The following CLCN5 variants were observed in gnomAD, a reference collection of about 807,000 sequenced individuals.
CLCN5 encodes Cl-/H+ antiporter 5, also known as H(+)/Cl(-) exchange transporter 5.
CLCN5 carries 17 observed loss-of-function variants against 54.0 expected under a neutral mutation model. The ratio of observed to expected loss-of-function variants is 0.31; its 90% CI spans 0.22 to 0.47. The LOEUF is 0.47. Among genes scored for constraint, CLCN5 ranks in the 20% least tolerant of loss-of-function variants. The probability of loss-of-function intolerance (pLI) is 1.00; values close to 1 mark genes in which losing one functional copy is unlikely to be tolerated. For missense variants in CLCN5, 448 were observed against 646.7 expected (o/e 0.69, Z 3.33); for synonymous variants, 222 against 233.0 (o/e 0.95, Z 0.43).
At chrX:50,087,175 GTATT>G (rs1409339379) in intron 11 of CLCN5, among the ~76,000 whole-genome samples, 2 of 111,717 alleles carry the variant, frequency 1.8e-5, no homozygotes, top group Non-Finnish European at 3.8e-5. Flanking sequence ...TGATGGTGAA[GTATT>G]TATTCCAGTA....
At chrX:50,031,841 G>A (rs1359000067) in intron 3 of CLCN5, among the ~76,000 whole-genome samples, 4 of 104,872 alleles carry the variant, frequency 3.8e-5, no homozygotes, top group African/African-American at 1.4e-4. Flanking sequence ...TTAGCATTAG[G>A]TGTATTTCCT....
intron 4 of CLCN5, chrX:50,067,625 G>T (rs1338577225): frequency 2.7e-6 from 2 of 751,691 alleles, no homozygotes; most frequent in East Asian, 3.0e-4. Flanking sequence ...GAAAGGCAGA[G>T]AATGCAGCAA....
chrX:49,988,063 C>A (rs782110978), intron 3 of CLCN5, among the ~76,000 whole-genome samples: 4 of 111,700 alleles, frequency 3.6e-5, no homozygotes, highest in African/African-American at 6.5e-5. Context: ...CCCCTGCATT[C>A]CTCAGTAGTC....
intron 6 of CLCN5, 100 bp from the exon 7 acceptor site, chrX:50,075,694 CT>C (rs1773787229): frequency 1.4e-6 from 1 of 717,466 alleles, no homozygotes; most frequent in African/African-American, 2.1e-5. Flanking sequence ...ACTTTGATTC[CT>C]TTCCCCTCAT....
chrX:50,019,439 T>C (rs1557184051), intron 3 of CLCN5, among the ~76,000 whole-genome samples: 1 of 105,962 alleles, frequency 9.4e-6, no homozygotes, highest in Non-Finnish European at 1.9e-5. Flanking sequence ...ATTTGTGCCT[T>C]CTGTCTTTCA....
At chrX:49,932,592 A>C (rs1322191285) in intron 3 of CLCN5, among the ~76,000 whole-genome samples, 1 of 111,473 alleles carries the variant, frequency 9.0e-6, no homozygotes, top group Non-Finnish European at 1.9e-5. Flanking sequence ...AAAGAGAAGA[A>C]ACCAGGCCCC....
At chrX:49,954,744 T>C (rs1927230822) in intron 3 of CLCN5, among the ~76,000 whole-genome samples, 1 of 111,937 alleles carries the variant, frequency 8.9e-6, no homozygotes, top group African/African-American at 3.2e-5. Context: ...TAAGAGCCTA[T>C]ACTTACATTC....
intron 5 of CLCN5, among the ~76,000 whole-genome samples, chrX:50,071,380 C>T (rs1933216886): frequency 8.9e-6 from 1 of 112,061 alleles, no homozygotes; most frequent in Admixed American, 9.5e-5. Context: ...TGTATCAATT[C>T]ATCAGGCGGG....
intron 3 of CLCN5, among the ~76,000 whole-genome samples, chrX:49,980,685 GTACTGTAT>G (rs1205051371): frequency 1.8e-5 from 2 of 111,578 alleles, no homozygotes; most frequent in South Asian, 7.5e-4. Context: ...AGCCAATAGA[GTACTGTAT>G]CCTTAATAAC....
chrX:50,057,226 C>G (rs1298522417), intron 4 of CLCN5, among the ~76,000 whole-genome samples: 1 of 108,103 alleles, frequency 9.3e-6, no homozygotes, highest in African/African-American at 3.4e-5. Flanking sequence ...GGAGGAGAGT[C>G]CTGAGGAAAA....
intron 7 of CLCN5, among the ~76,000 whole-genome samples, chrX:50,077,594 AAG>A (rs371525683): frequency 0.032 from 2,204 of 68,497 alleles, 24 homozygotes; most frequent in Non-Finnish European, 0.039. Context: ...GTGGGTGTGA[AAG>A]AGAGAGAGAG....
intron 4 of CLCN5, among the ~76,000 whole-genome samples, chrX:50,051,124 T>C (rs1237280521): frequency 3.6e-5 from 4 of 112,281 alleles, no homozygotes; most frequent in Admixed American, 2.8e-4. Flanking sequence ...TTTTCTCCTA[T>C]GATATCTTCC....
In CLCN5 at chrX:50,042,340, A is replaced by G. The variant is rs1557187251; in HGVS notation, c.41A>G (p.Gln14Arg). The change falls in exon 4 of 15, where the codon CAG becomes CGG. Residue 14 changes from glutamine to arginine, a missense_variant. Gln to Arg is a conservative substitution (Grantham distance 43, BLOSUM62 1). Around this residue, in one of 5 missense-constraint regions of CLCN5, gnomAD observed 69 missense variants for 60.9 expected, o/e 1.13. Coordinates refer to ENST00000376091, the MANE Select transcript of CLCN5 (RefSeq NM_001127898.4). Reference sequence around the variant, plus strand: ...GGTGCCATGGATAACAGAGGCTTTCAGCAGGGGAGTTTTAGTAGCTTCCAG... The same window carrying G: ...GGTGCCATGGATAACAGAGGCTTTCGGCAGGGGAGTTTTAGTAGCTTCCAG... ...WQGAMDNRGF[Q>R]QGSFSSFQNS... is the part of the protein sequence containing the mutation. 2 of 1,174,656 alleles carry G rather than the reference A, an allele frequency of 1.7e-6. No homozygotes were observed. Among genetic ancestry groups the G allele is most frequent in the Non-Finnish European group, 2.3e-6 (2 of 875,778 alleles).
chrX:49,936,216 G>A (rs781833485), intron 3 of CLCN5, among the ~76,000 whole-genome samples: 1 of 111,638 alleles, frequency 9.0e-6, no homozygotes, highest in Admixed American at 9.5e-5. Flanking sequence ...CTTTCAATTA[G>A]TTCATCCCAT....
intron 3 of CLCN5, chrX:50,013,299 G>A (rs180785970): frequency 2.7e-6 from 1 of 371,941 alleles, no homozygotes; most frequent in Non-Finnish European, 5.3e-6. Context: ...AACACCTCCT[G>A]TGTGCATGGA....
chrX:49,973,834 G>A (rs1928356590), intron 3 of CLCN5, among the ~76,000 whole-genome samples: 1 of 111,039 alleles, frequency 9.0e-6, no homozygotes, highest in South Asian at 3.8e-4. Context: ...CCCATCATAA[G>A]TTGAGGAGCA....
At chrX:49,997,649 C>T (rs1344196745) in intron 3 of CLCN5, among the ~76,000 whole-genome samples, 1 of 109,896 alleles carries the variant, frequency 9.1e-6, no homozygotes. Context: ...CCTCAGCCTC[C>T]TGAGTAGCTG....
chrX:50,063,470 G>A (rs371248208), intron 4 of CLCN5, among the ~76,000 whole-genome samples: 9 of 107,425 alleles, frequency 8.4e-5, no homozygotes, highest in South Asian at 3.8e-4. Context: ...AAGAAGTTGA[G>A]TCTCTGAATA....
At chrX:50,013,372 T>C (rs782392230) in intron 3 of CLCN5, 5 of 345,855 alleles carry the variant, frequency 1.4e-5, no homozygotes, top group Non-Finnish European at 2.3e-5. Context: ...AGCCCGTGTT[T>C]ATTGCGCACT....
Sources: allele counts gnomAD v4.1 joint callset (sites outside exome capture counted in the v4.1 genomes callset), GRCh38; gene constraint gnomAD v4.1.1; regional missense constraint gnomAD v4.1.1; transcripts MANE v1.5; gene names NCBI Gene and HGNC (gene_info 2026-07-23, HGNC 2026-07-21).